Variants in SMYD3 observed in about 807,000 individuals in gnomAD.
SMYD3 encodes SET and MYND domain containing 3.
In SMYD3, 36 loss-of-function variants were observed where a neutral mutation model predicts 57.7. The ratio of observed to expected loss-of-function variants is 0.62; its 90% CI spans 0.48 to 0.82. SMYD3 has a LOEUF of 0.82. Among genes scored for constraint, SMYD3 ranks in the 40% least tolerant of loss-of-function variants. SMYD3 has a pLI of 0.00. For missense variants in SMYD3, 515 were observed against 538.8 expected (o/e 0.96, Z 0.44); for synonymous variants, 211 against 195.0 (o/e 1.08, Z -0.68).
chr1:245,977,053 C>T (rs61839405), intron 5 of SMYD3, among the ~76,000 whole-genome samples: 1,031 of 37,266 alleles, frequency 0.028, 259 homozygotes, highest in Admixed American at 0.087. Flanking sequence ...GTCTCCGGCC[C>T]AGGGAAAGCC....
At chr1:245,817,588 C>G (rs1482896020) in intron 10 of SMYD3, among the ~76,000 whole-genome samples, 3 of 151,952 alleles carry the variant, frequency 2.0e-5, no homozygotes, top group South Asian at 2.1e-4. Context: ...TTCAGACGAT[C>G]AAATTACTCT....
At chr1:246,405,910 A>AC (rs1184761471) in intron 1 of SMYD3, among the ~76,000 whole-genome samples, 4 of 49,550 alleles carry the variant, frequency 8.1e-5, no homozygotes, top group African/African-American at 2.5e-4. Flanking sequence ...ACTCTGTCTC[A>AC]AAAAAAAAAA....
At chr1:245,793,914 C>T (rs113346794) in intron 10 of SMYD3, among the ~76,000 whole-genome samples, 50 of 152,184 alleles carry the variant, frequency 3.3e-4, no homozygotes, top group African/African-American at 1.1e-3. Context: ...TTAATGTGGT[C>T]TTGATATATC....
intron 5 of SMYD3, among the ~76,000 whole-genome samples, chr1:245,945,159 C>T (rs947442047): frequency 2.0e-5 from 3 of 152,024 alleles, no homozygotes; most frequent in East Asian, 1.9e-4. Flanking sequence ...AAAGAGCTTT[C>T]GCACAGCAAA....
chr1:245,956,494 C>A (rs186070016), intron 5 of SMYD3, among the ~76,000 whole-genome samples: 3 of 152,198 alleles, frequency 2.0e-5, no homozygotes, highest in Non-Finnish European at 2.9e-5. Context: ...CTACCCCTAG[C>A]GAGGCAGGCA....
chr1:246,351,890 C>T (rs970570319), intron 2 of SMYD3, among the ~76,000 whole-genome samples: 1 of 152,056 alleles, frequency 6.6e-6, no homozygotes, highest in East Asian at 1.9e-4. Flanking sequence ...AATCCCAGCA[C>T]TTTGGGAGGC....
At chr1:245,755,982 C>A (rs888530763) in intron 11 of SMYD3, among the ~76,000 whole-genome samples, 4 of 94,976 alleles carry the variant, frequency 4.2e-5, no homozygotes, top group African/African-American at 1.3e-4. Context: ...CTCTCTTTTT[C>A]TTTCTTTTTC....
At chr1:246,248,563 A>G (rs986244821) in intron 5 of SMYD3, among the ~76,000 whole-genome samples, 3 of 150,900 alleles carry the variant, frequency 2.0e-5, no homozygotes, top group Non-Finnish European at 4.4e-5. Context: ...GTTATTAGTC[A>G]GGCTCCAAAG....
intron 5 of SMYD3, among the ~76,000 whole-genome samples, chr1:246,214,548 G>A (rs1193836817): frequency 2.6e-5 from 4 of 152,040 alleles, no homozygotes; most frequent in Non-Finnish European, 5.9e-5. Context: ...TAAAAACCAA[G>A]GAATTTTTAA....
At chr1:246,285,355 A>C (rs974372708) in intron 5 of SMYD3, among the ~76,000 whole-genome samples, 1 of 151,906 alleles carries the variant, frequency 6.6e-6, no homozygotes, top group East Asian at 1.9e-4. Flanking sequence ...TTCTTTATCC[A>C]CTCATTGACT....
intron 11 of SMYD3, among the ~76,000 whole-genome samples, chr1:245,753,407 T>C (rs894886641): frequency 6.6e-6 from 1 of 152,202 alleles, no homozygotes; most frequent in African/African-American, 2.4e-5. Context: ...GATTCAGTAA[T>C]GTGCAAAATA....
At chr1:246,135,566 A>T (rs2148085947) in intron 5 of SMYD3, among the ~76,000 whole-genome samples, 1 of 152,216 alleles carries the variant, frequency 6.6e-6, no homozygotes, top group East Asian at 1.9e-4. Flanking sequence ...CTTAAGATGC[A>T]GAGGCAAAAG....
At chr1:245,845,261 T>C (rs1040059875) in intron 10 of SMYD3, among the ~76,000 whole-genome samples, 12 of 152,376 alleles carry the variant, frequency 7.9e-5, no homozygotes, top group Middle Eastern at 6.8e-3. Context: ...TGAAAGACTA[T>C]GGTTCAGAAA....
At chr1:246,174,167 A>C (rs2062393576) in intron 5 of SMYD3, among the ~76,000 whole-genome samples, 1 of 152,166 alleles carries the variant, frequency 6.6e-6, no homozygotes, top group African/African-American at 2.4e-5. Flanking sequence ...AGTATAATAT[A>C]GTAAATATAT....
rs1164274725 is a variant in SMYD3 at position 246,248,808 on chromosome 1, A to ATTTTTTTTT, written c.531+78384_531+78392dup. On this transcript the variant is annotated intron_variant, in intron 5 of 11. Coordinates refer to ENST00000490107, the MANE Select transcript of SMYD3 (RefSeq NM_001167740.2). ...AGGCGCCCGCCACCATGCCCGGCTA[A>ATTTTTTTTT]TTTTTTTTTTTTTTTTTTTTTGTAT... 2.9e-3 allele frequency among the ~76,000 whole-genome samples: 264 copies of ATTTTTTTTT among 90,404 alleles called. 3 individuals are homozygous for ATTTTTTTTT. Among genetic ancestry groups the ATTTTTTTTT allele is most frequent in the East Asian group, 0.014 (28 of 2,010 alleles). The allele number at this position is 90,404 out of a possible 152,430, so 59.3% of individuals were successfully genotyped here. A position where few individuals can be genotyped will look rare whatever the true frequency, so the allele number is the denominator to read the frequency against.
At chr1:246,004,219 C>A (rs1028429183) in intron 5 of SMYD3, among the ~76,000 whole-genome samples, 3 of 152,194 alleles carry the variant, frequency 2.0e-5, no homozygotes, top group African/African-American at 7.2e-5. Flanking sequence ...AATAATAATT[C>A]TCATTTTTAG....
At chr1:246,377,137 A>C (rs888388319) in intron 1 of SMYD3, among the ~76,000 whole-genome samples, 1 of 150,476 alleles carries the variant, frequency 6.6e-6, no homozygotes, top group African/African-American at 2.4e-5. Flanking sequence ...AAAAGTAAGA[A>C]TCCTATTACA....
chr1:246,151,049 C>T (rs1484196595), intron 5 of SMYD3, among the ~76,000 whole-genome samples: 1 of 152,118 alleles, frequency 6.6e-6, no homozygotes, highest in African/African-American at 2.4e-5. Flanking sequence ...AGTTCAAGAC[C>T]AGCCTGGCCA....
chr1:246,151,968 A>T (rs1285565601), intron 5 of SMYD3, among the ~76,000 whole-genome samples: 2 of 152,232 alleles, frequency 1.3e-5, no homozygotes, highest in Non-Finnish European at 2.9e-5. Context: ...CCAACCCCTG[A>T]GTCAGAGGTC....
Sources: gnomAD v4.1 joint callset for allele counts (sites outside exome capture counted in the v4.1 genomes callset) on GRCh38, gnomAD v4.1.1 for gene constraint, MANE v1.5 for transcripts, NCBI Gene and HGNC (gene_info 2026-07-23, HGNC 2026-07-21) for gene names.